ZNF385B: variants seen among roughly 807,000 people sequenced by gnomAD.
ZNF385B encodes the protein zinc finger protein 533.
In ZNF385B, 23 loss-of-function variants were observed where a neutral mutation model predicts 39.2. That is an observed-to-expected ratio of 0.59 (90% CI 0.42 to 0.83). ZNF385B has a LOEUF of 0.83. Ranked by LOEUF, ZNF385B falls within the 40% of genes least tolerant of loss-of-function variation. The pLI is 0.00. For synonymous variants in ZNF385B, 205 were observed against 222.6 expected, an observed-to-expected ratio of 0.92 and a Z score of 0.70; for missense variants, 552 against 598.9, an observed-to-expected ratio of 0.92 and a Z score of 0.82.
chr2:179,769,285 G>A (rs936296561), intron 3 of ZNF385B, among the ~76,000 whole-genome samples: 1 of 152,214 alleles, frequency 6.6e-6, no homozygotes, highest in Non-Finnish European at 1.5e-5. Flanking sequence ...TTGTGCATAT[G>A]TGTGTATGTG....
intron 3 of ZNF385B, among the ~76,000 whole-genome samples, chr2:179,670,565 A>G (rs1444090332): frequency 6.6e-6 from 1 of 152,196 alleles, no homozygotes; most frequent in Non-Finnish European, 1.5e-5. Flanking sequence ...TTTAATGTAC[A>G]TTTATATAAT....
At position 179,559,642 on chromosome 2, in the gene ZNF385B, GT is replaced by G. The variant is rs1553608081; in HGVS notation, c.299-14674del. Among the ~76,000 whole-genome samples, 30 of 151,368 alleles carry G rather than the reference GT, an allele frequency of 2.0e-4. No individual in the cohort carries two copies. The South Asian group carries it at 3.5e-3, about 18-fold the overall frequency. ...TTTTACTTTACAACTTGACTGTCGGGTTTTTTTTAATATCATATAAAATTTA... is the reference window on the plus strand; with the variant it reads ...TTTTACTTTACAACTTGACTGTCGGGTTTTTTTAATATCATATAAAATTTA... On this transcript the variant is annotated intron_variant, in intron 3 of 9. Transcript: ENST00000410066.
At chr2:179,797,826 T>C (rs1157102511) in intron 1 of ZNF385B, among the ~76,000 whole-genome samples, 1 of 152,188 alleles carries the variant, frequency 6.6e-6, no homozygotes, top group East Asian at 1.9e-4. Flanking sequence ...TCACGTCTTT[T>C]TCTGACATGA....
chr2:179,490,984 A>G (rs2055161272), intron 5 of ZNF385B, among the ~76,000 whole-genome samples: 1 of 152,186 alleles, frequency 6.6e-6, no homozygotes, highest in Non-Finnish European at 1.5e-5. Context: ...TCTTTTATAA[A>G]TAAGTTTATT....
At chr2:179,617,685 G>A (rs1558987255) in intron 3 of ZNF385B, among the ~76,000 whole-genome samples, 1 of 152,140 alleles carries the variant, frequency 6.6e-6, no homozygotes, top group Non-Finnish European at 1.5e-5. Context: ...GATGCTGCTA[G>A]TTCAGGGACA....
At chr2:179,555,827 A>G (rs1317881387) in intron 3 of ZNF385B, among the ~76,000 whole-genome samples, 3 of 149,340 alleles carry the variant, frequency 2.0e-5, no homozygotes, top group Non-Finnish European at 4.4e-5. Context: ...ATTGGCAGTT[A>G]CGTGCCTGAA....
At chr2:179,493,556 C>CGTATACATATGTGTATGTGT (rs1559334528) in intron 5 of ZNF385B, among the ~76,000 whole-genome samples, 40 of 99,512 alleles carry the variant, frequency 4.0e-4, no homozygotes, top group African/African-American at 1.3e-3. Flanking sequence ...CGTGTACATG[C>CGTATACATATGTGTATGTGT]ACATATATGC....
At chr2:179,709,449 A>G (rs1030278002) in intron 3 of ZNF385B, among the ~76,000 whole-genome samples, 1 of 152,204 alleles carries the variant, frequency 6.6e-6, no homozygotes, top group Non-Finnish European at 1.5e-5. Context: ...GTGCTGACAC[A>G]TGGAAGGACA....
At chr2:179,766,851 G>A (rs925501292) in intron 3 of ZNF385B, among the ~76,000 whole-genome samples, 3 of 152,142 alleles carry the variant, frequency 2.0e-5, no homozygotes, top group Admixed American at 6.5e-5. Flanking sequence ...AAAAAAGGAA[G>A]ACTGGCATTT....
intron 3 of ZNF385B, among the ~76,000 whole-genome samples, chr2:179,755,734 A>T (rs1702971691): frequency 6.6e-6 from 1 of 152,132 alleles, no homozygotes; most frequent in African/African-American, 2.4e-5. Flanking sequence ...AGTCTGTTTT[A>T]TCGGAGACTA....
chr2:179,659,147 A>C (rs1023116116), intron 3 of ZNF385B, among the ~76,000 whole-genome samples: 4 of 152,238 alleles, frequency 2.6e-5, no homozygotes, highest in Non-Finnish European at 5.9e-5. Flanking sequence ...TAGTGTTCAC[A>C]ACTGTTCGAA....
chr2:179,583,356 T>A (rs1686751877), intron 3 of ZNF385B, among the ~76,000 whole-genome samples: 1 of 152,196 alleles, frequency 6.6e-6, no homozygotes, highest in Admixed American at 6.5e-5. Flanking sequence ...AGGGCTGTGC[T>A]TCTGTGTCAA....
chr2:179,588,150 A>G (rs989109390), intron 3 of ZNF385B, among the ~76,000 whole-genome samples: 7 of 151,816 alleles, frequency 4.6e-5, no homozygotes, highest in Non-Finnish European at 7.4e-5. Flanking sequence ...GTGCAGTGGC[A>G]CCATCTCGGC....
chr2:179,487,096 C>G (rs1204941938), intron 5 of ZNF385B, among the ~76,000 whole-genome samples: 2 of 152,186 alleles, frequency 1.3e-5, no homozygotes, highest in African/African-American at 2.4e-5. Flanking sequence ...CCTCCAAGTA[C>G]AAGATAAACA....
chr2:179,807,893 T>TGAAAGAAAGAAA (rs139866166), intron 1 of ZNF385B, among the ~76,000 whole-genome samples: 12,492 of 123,492 alleles, frequency 0.1, 731 homozygotes, highest in Non-Finnish European at 0.11. Context: ...AGACTCCGTC[T>TGAAAGAAAGAAA]GAAAGAAAGA....
intron 3 of ZNF385B, among the ~76,000 whole-genome samples, chr2:179,726,320 T>A (rs1488507980): frequency 6.6e-6 from 1 of 152,018 alleles, no homozygotes; most frequent in Non-Finnish European, 1.5e-5. Flanking sequence ...CCTCTCCATA[T>A]CCTTTGTGTG....
intron 1 of ZNF385B, among the ~76,000 whole-genome samples, chr2:179,852,918 G>T (rs986952459): frequency 6.6e-6 from 1 of 152,112 alleles, no homozygotes. Flanking sequence ...ATGACCACAT[G>T]CATGGGAGAA....
chr2:179,483,211 G>A, intron 6 of ZNF385B, 61 bp downstream of exon 6: 1 of 1,585,130 alleles, frequency 6.3e-7, no homozygotes, highest in Non-Finnish European at 8.6e-7. Context: ...CAGGAAAACG[G>A]GGTCAGGGCA....
intron 3 of ZNF385B, among the ~76,000 whole-genome samples, chr2:179,756,512 T>G (rs910744473): frequency 2.0e-5 from 3 of 152,180 alleles, no homozygotes; most frequent in African/African-American, 7.2e-5. Flanking sequence ...TTTCCTGAAT[T>G]TGAATGTTGG....
Sources: allele counts gnomAD v4.1 joint callset (sites outside exome capture counted in the v4.1 genomes callset), GRCh38; gene constraint gnomAD v4.1.1; transcripts MANE v1.5; gene names NCBI Gene and HGNC (gene_info 2026-07-23, HGNC 2026-07-21).